Variants in EEF2KMT observed in about 807,000 individuals in gnomAD.
EEF2KMT encodes the protein protein-lysine N-methyltransferase EEF2KMT.
EEF2KMT carries 30 observed loss-of-function variants against 35.1 expected under a neutral mutation model. That is an observed-to-expected ratio of 0.85 (90% CI 0.64 to 1.16). The LOEUF is 1.16. Among genes scored for constraint, EEF2KMT ranks in the 50% most tolerant of loss-of-function variants. EEF2KMT has a pLI of 0.00. For missense variants in EEF2KMT, 499 were observed against 438.2 expected, an observed-to-expected ratio of 1.14 and a Z score of -1.24; for synonymous variants, 190 against 187.7, an observed-to-expected ratio of 1.01 and a Z score of -0.10.
chr16:5,091,889 C>T lies in EEF2KMT; in HGVS notation c.247G>A (p.Ala83Thr). Residue 83 changes from alanine to threonine, a missense_variant, in exon 4 of 8, where the codon GCT becomes ACT. Physicochemically the swap from Ala to Thr is moderately conservative, Grantham distance 58 (BLOSUM62 0). Transcript: ENST00000427587. The part of the protein sequence containing the change: ...FLSELIKKHE[A>T]VHTEPLDELY... The stretch of plus-strand genomic sequence containing the variant: ...TCGTCCAAAGGCTCTGTGTGGACAG[C>T]CTCGTGCTGGGGGCAGACAGAGTGA... 2 of 1,611,832 alleles carry T rather than the reference C, an allele frequency of 1.2e-6. No individual in the cohort carries two copies. Among genetic ancestry groups the T allele is most frequent in the South Asian group, 2.2e-5 (2 of 90,986 alleles).
intron 1 of EEF2KMT, among the ~76,000 whole-genome samples, chr16:5,096,205 C>T (rs1423807361): frequency 6.6e-6 from 1 of 152,208 alleles, no homozygotes; most frequent in Non-Finnish European, 1.5e-5. Flanking sequence ...ACCACTCAGG[C>T]CCCAGTTCAA....
rs777867469 is a variant in EEF2KMT, at chr16:5,091,943, A to G, written c.241-48T>C. 6 of 1,608,098 alleles carry G rather than the reference A, an allele frequency of 3.7e-6. No homozygotes were observed. In the South Asian group the frequency reaches 4.4e-5, roughly 12 times the overall value. On this transcript the variant is annotated intron_variant, in intron 3 of 7. Transcript: ENST00000427587. ...CTTGTTTGCTTTCGTTCTAATCTGT[A>G]AAAATGGCCAGATGATTTTCACCAA...
chr16:5,090,672 G>T lies in EEF2KMT; in HGVS notation c.343-107C>A. 6.9e-6 allele frequency: 10 copies of T among 1,441,160 alleles called. No homozygotes were observed. Among genetic ancestry groups the T allele is most frequent in the Non-Finnish European group, 9.5e-6 (10 of 1,047,916 alleles). The allele number at this position is 1,441,160 out of a possible 1,614,324, so 89.3% of individuals were successfully genotyped here. On this transcript the variant is annotated intron_variant, in intron 4 of 7. Coordinates refer to ENST00000427587, the MANE Select transcript of EEF2KMT (RefSeq NM_201400.4). This position sits in a 1 kb window ranked among gnomAD's most constrained non-coding sequence, Gnocchi z 4.1. ...TGAATAAACCATGACAGGACCAATC[G>T]CCACTCAGCAATGAGAAGCAGCTAA...
intron 3 of EEF2KMT, among the ~76,000 whole-genome samples, chr16:5,092,685 A>G (rs1299434174): frequency 6.6e-6 from 1 of 152,226 alleles, no homozygotes; most frequent in Non-Finnish European, 1.5e-5. Context: ...ATCCTAGGCC[A>G]GGTGCGGTGG....
At chr16:5,089,408 A>C (rs1957293111) in intron 6 of EEF2KMT, 152 bp from the exon 7 acceptor site, 1 of 1,074,222 alleles carries the variant, frequency 9.3e-7, no homozygotes, top group Non-Finnish European at 1.3e-6. Flanking sequence ...AAAGGCAATT[A>C]CTTGGGTGAA....
At chr16:5,096,216 A>G (rs1957461238) in intron 1 of EEF2KMT, among the ~76,000 whole-genome samples, 1 of 152,052 alleles carries the variant, frequency 6.6e-6, no homozygotes, top group Non-Finnish European at 1.5e-5. Context: ...CCCAGTTCAA[A>G]TGCCACCTCT....
At chr16:5,094,310 TGGAGTGCA>T (rs1476544595) in intron 2 of EEF2KMT, among the ~76,000 whole-genome samples, 1 of 152,224 alleles carries the variant, frequency 6.6e-6, no homozygotes, top group African/African-American at 2.4e-5. Context: ...TTGCCCAGGC[TGGAGTGCA>T]GTGGCCCGAT....
Position 5,085,310 on chromosome 16 carries a change from C to A in EEF2KMT, c.*322G>T. On this transcript the variant is annotated 3_prime_UTR_variant, in exon 8 of 8. Transcript: ENST00000427587. ...GCAGTGGGCTTGGCTTTGTGAGGAA[C>A]TGAGTGTGTCCACGTTGGGGGAACA... 1 of 482,220 alleles carries A rather than the reference C, an allele frequency of 2.1e-6. No homozygotes were observed. The highest frequency in any genetic ancestry group is 3.8e-6 in the Non-Finnish European group (1 of 263,056). The allele number at this position is 482,220 out of a possible 1,614,324, so 29.9% of individuals were successfully genotyped here.
In EEF2KMT at chr16:5,095,443, G is replaced by C. The variant is rs763081280; in HGVS notation, c.159+9C>G. The C allele has an allele frequency of 6.2e-7, 1 of 1,611,466 alleles. No homozygotes were observed. The highest frequency in any genetic ancestry group is 1.3e-5 in the African/African-American group (1 of 74,846). On this transcript the variant is annotated intron_variant, in intron 2 of 7. Coordinates refer to ENST00000427587, the MANE Select transcript of EEF2KMT (RefSeq NM_201400.4). ...GGGTCATGAGTCCCAGGGACTCTGG[G>C]ATTCTTACCTTGTGCAAAATATCCC...
chr16:5,095,293 A>G (rs1454842536), intron 2 of EEF2KMT, 159 bp downstream of exon 2: 1 of 1,039,952 alleles, frequency 9.6e-7, no homozygotes, highest in Non-Finnish European at 1.4e-6. Flanking sequence ...TGGAGCTGTC[A>G]GAGGTGCTGA....
Position 5,084,828 on chromosome 16 carries a change from C to T in EEF2KMT, c.*804G>A, listed in dbSNP as rs1047747. The T allele has an allele frequency of 4.6e-5, 73 of 1,595,048 alleles. No individual in the cohort carries two copies. Among genetic ancestry groups the T allele is most frequent in the East Asian group, 2.7e-4 (12 of 44,896 alleles). On this transcript the variant is annotated 3_prime_UTR_variant, in exon 8 of 8. Coordinates refer to ENST00000427587, the MANE Select transcript of EEF2KMT (RefSeq NM_201400.4). Reference sequence around the variant, plus strand: ...GAACCTGCGGGAGTCGCAGCAGCTCCGATGGGATGAGAGCTGGGTGCAGAC... The same window carrying T: ...GAACCTGCGGGAGTCGCAGCAGCTCTGATGGGATGAGAGCTGGGTGCAGAC...
At position 5,085,204 on chromosome 16, in the gene EEF2KMT, C is replaced by G. The variant is rs1221801058; in HGVS notation, c.*428G>C. 7.2e-6 allele frequency: 4 copies of G among 558,470 alleles called. No individual in the cohort carries two copies. Among genetic ancestry groups the G allele is most frequent in the Admixed American group, 6.2e-5 (2 of 32,106 alleles). 34.6% of individuals were successfully genotyped at this position (558,470 alleles called of 1,614,324 possible). ...CCTGCGTTTGGTCTCCAGGTGTCCC[C>G]TTTCTGCCGTGTTCCTAACATTTTG... On this transcript the variant is annotated 3_prime_UTR_variant, in exon 8 of 8. Coordinates refer to ENST00000427587, the MANE Select transcript of EEF2KMT (RefSeq NM_201400.4).
chr16:5,095,706 A>G (rs1957445614), intron 1 of EEF2KMT, among the ~76,000 whole-genome samples, 192 bp from the exon 2 acceptor site: 1 of 152,146 alleles, frequency 6.6e-6, no homozygotes, highest in African/African-American at 2.4e-5. Context: ...CACAGGAAGA[A>G]GGCTGACTTT....
chr16:5,091,335 G>T (rs2142766944), intron 4 of EEF2KMT, among the ~76,000 whole-genome samples: 1 of 152,306 alleles, frequency 6.6e-6, no homozygotes, highest in East Asian at 1.9e-4. Context: ...CCCCGCCTCA[G>T]CCTCCCAAAA....
At chr16:5,093,585 T>C (rs748862587) in intron 2 of EEF2KMT, 21 bp from the exon 3 acceptor site, 4 of 1,611,810 alleles carry the variant, frequency 2.5e-6, no homozygotes, top group Admixed American at 1.7e-5. Context: ...GGACAGAACG[T>C]TGGTTGCTCG....
intron 1 of EEF2KMT, among the ~76,000 whole-genome samples, chr16:5,096,549 A>T (rs62038084): frequency 0.047 from 7,166 of 152,280 alleles, 231 homozygotes; most frequent in East Asian, 0.15. Flanking sequence ...CAACCCTAAG[A>T]GGTAGGTATC....
rs762583437 is a variant in EEF2KMT at position 5,085,730 on chromosome 16, G to A, written c.895C>T (p.Arg299Trp). Residue 299 changes from arginine (R) to tryptophan (W), a missense_variant and splice_region_variant, in exon 8 of 8, where the codon CGG (arginine) becomes TGG (tryptophan). By Grantham distance (101) the Arg-to-Trp change is moderately radical. Transcript: ENST00000427587. ...TCCACTTCCCATCTGATCCCGGCCC[G>A]GCCTGGAAACAGAGCACATGTGTTT... The part of the protein sequence containing the change: ...TCQLFTTELG[R>W]AGIRWEVEPR... 6.8e-6 allele frequency: 11 copies of A among 1,610,646 alleles called. No homozygotes were observed. Among genetic ancestry groups the A allele is most frequent in the South Asian group, 2.2e-5 (2 of 90,950 alleles).
chr16:5,085,712 C>T lies in EEF2KMT; in HGVS notation c.913G>A (p.Glu305Lys). 1.2e-6 allele frequency: 2 copies of T among 1,611,700 alleles called. No homozygotes were observed. The highest frequency in any genetic ancestry group is 1.7e-6 in the Non-Finnish European group (2 of 1,179,642). Residue 305 changes from glutamate to lysine, a missense_variant, in exon 8 of 8, where the codon GAA (glutamate) becomes AAA (lysine). Glu to Lys is a moderately conservative substitution (Grantham distance 56, BLOSUM62 1). Transcript: ENST00000427587. ...TELGRAGIRWEVEPRHEQKLF... is the reference protein window; with the variant it reads ...TELGRAGIRWKVEPRHEQKLF... The stretch of plus-strand genomic sequence containing the variant: ...TTCTGCTCATGACGAGGTTCCACTT[C>T]CCATCTGATCCCGGCCCGGCCTGGA...
chr16:5,091,931 G>C (rs752133523), intron 3 of EEF2KMT, 36 bp from the exon 4 acceptor site: 10 of 1,609,870 alleles, frequency 6.2e-6, no homozygotes, highest in Non-Finnish European at 4.2e-6. Flanking sequence ...GTTTGCTTTC[G>C]TTCTAATCTG....
Sources: allele counts gnomAD v4.1 joint callset (sites outside exome capture counted in the v4.1 genomes callset), GRCh38; gene constraint gnomAD v4.1.1; non-coding constraint Gnocchi (gnomAD v3.1); transcripts MANE v1.5; gene names NCBI Gene and HGNC (gene_info 2026-07-23, HGNC 2026-07-21).